USH1C: variants seen among roughly 807,000 people sequenced by gnomAD.
USH1C encodes the protein harmonin.
USH1C carries 90 observed loss-of-function variants against 119.3 expected under a neutral mutation model. The observed-to-expected ratio is 0.75, with a 90% CI of 0.64 to 0.90. The LOEUF is 0.90. Among genes scored for constraint, USH1C ranks in the 40% least tolerant of loss-of-function variants. The pLI is 0.00. For missense variants in USH1C, 1,165 were observed against 1,167.7 expected, an observed-to-expected ratio of 1.00 and a Z score of 0.03; for synonymous variants, 465 against 443.3, an observed-to-expected ratio of 1.05 and a Z score of -0.62.
chr11:17,522,657 T>G (rs900257077), intron 12 of USH1C, 127 bp downstream of exon 12: 9 of 1,415,366 alleles, frequency 6.4e-6, no homozygotes, highest in Non-Finnish European at 8.9e-6. Flanking sequence ...ACTCATCTGG[T>G]CTGAGGACTG....
intron 1 of USH1C, among the ~76,000 whole-genome samples, chr11:17,537,213 A>C (rs1851263894): frequency 6.6e-6 from 1 of 152,232 alleles, no homozygotes; most frequent in South Asian, 2.1e-4. Context: ...ATATTAAAAA[A>C]TTATATAGTT....
In USH1C at chr11:17,544,302, G is replaced by A. The variant is rs753871690; in HGVS notation, c.6C>T (p.Asp2=). M[D]RKVAREFRHK... The stretch of plus-strand genomic sequence containing the variant: ...GCCGGAATTCTCGGGCCACTTTTCG[G>A]TCCATGGCTGGGCCAGGTCCAGCTG... The change falls in exon 1 of 27, where the codon GAC becomes GAT. Residue 2 remains aspartate, a synonymous_variant. Coordinates refer to ENST00000005226, the MANE Select transcript of USH1C (RefSeq NM_153676.4). The A allele has an allele frequency of 1.1e-5, 18 of 1,614,062 alleles. No homozygotes were observed. The South Asian group carries it at 1.6e-4, about 15-fold the overall frequency.
In USH1C at chr11:17,509,415, G is replaced by C. The variant is rs1263032288; in HGVS notation, c.1954C>G (p.His652Asp). Residue 652 changes from histidine to aspartate, a missense_variant, in exon 18 of 27, where the codon CAC (histidine) becomes GAC (aspartate). By Grantham distance (81) the His-to-Asp change is moderately conservative. Transcript: ENST00000005226. ...GGGGAGTTAGTGGGCTTCCCACTGT[G>C]GTTCTTTGCCTCCCAGTCCTCCACT... ...NPVEDWEAKN[H>D]SGKPTNSPVP... is the part of the protein sequence containing the mutation. 2 of 1,605,892 alleles carry C rather than the reference G, an allele frequency of 1.2e-6. No homozygotes were observed. The highest frequency in any genetic ancestry group is 2.2e-5 in the South Asian group (2 of 90,058).
At chr11:17,541,578 C>A (rs569080097) in intron 1 of USH1C, among the ~76,000 whole-genome samples, 1 of 152,218 alleles carries the variant, frequency 6.6e-6, no homozygotes, top group Non-Finnish European at 1.5e-5. Context: ...GCTGGTGCTG[C>A]GAACAGAAGA....
chr11:17,510,419 T>C lies in USH1C; in HGVS notation c.1516A>G (p.Asn506Asp), dbSNP rs868001349. Residue 506 changes from asparagine (N) to aspartate (D), a missense_variant, in exon 17 of 27, where the codon AAT (asparagine) becomes GAT (aspartate). Transcript: ENST00000005226. ...GGCTCTGTTACCTCTGAAATCTCAT[T>C]ATCAGCAGAGGAAATCTGCTCGAGG... The part of the protein sequence containing the change: ...TRLEQISSAD[N>D]EISEMTTGPP... 3.7e-6 allele frequency: 6 copies of C among 1,611,828 alleles called. No homozygotes were observed. In the Middle Eastern group the frequency reaches 6.0e-4, roughly 161 times the overall value.
At chr11:17,506,262 C>G (rs987637051) in intron 18 of USH1C, among the ~76,000 whole-genome samples, 1 of 152,192 alleles carries the variant, frequency 6.6e-6, no homozygotes, top group Non-Finnish European at 1.5e-5. Flanking sequence ...CTCTCAGTGG[C>G]CATGGGTGCT....
chr11:17,524,348 G>T, intron 9 of USH1C, 103 bp downstream of exon 9: 1 of 1,280,520 alleles, frequency 7.8e-7, no homozygotes. Flanking sequence ...AGTGTCCACT[G>T]AAAGAGGGCC....
intron 20 of USH1C, 156 bp from the exon 21 acceptor site, chr11:17,502,136 G>A (rs1044109659): frequency 1.5e-5 from 10 of 666,510 alleles, no homozygotes; most frequent in South Asian, 4.1e-5. Context: ...ACAGGAGGCC[G>A]GCAGCCCTAG....
chr11:17,510,352 G>A, intron 17 of USH1C, 53 bp downstream of exon 17: 1 of 1,456,048 alleles, frequency 6.9e-7, no homozygotes, highest in Non-Finnish European at 9.6e-7. Context: ...TCCCCACAGT[G>A]GGTCATTCTG....
At chr11:17,506,027 A>T in intron 18 of USH1C, 78 bp from the exon 19 acceptor site, 1 of 1,603,242 alleles carries the variant, frequency 6.2e-7, no homozygotes, top group Non-Finnish European at 8.5e-7. Context: ...TTCTACACAC[A>T]TGCAAATCTA....
intron 9 of USH1C, 27 bp downstream of exon 9, chr11:17,524,424 C>T (rs1268979541): frequency 1.9e-6 from 3 of 1,558,080 alleles, no homozygotes; most frequent in East Asian, 2.4e-5. Flanking sequence ...AGTGGGCCCC[C>T]ACTGGGGCCG....
At position 17,526,211 on chromosome 11, in the gene USH1C, A is replaced by AG. The variant is rs1006044736; in HGVS notation, c.674+135dup. The stretch of plus-strand genomic sequence containing the variant: ...GTCAGACCCTGTATCTAACAAAAAA[A>AG]GTATCATCACCCATGGACAGTCACA... On this transcript the variant is annotated intron_variant, in intron 8 of 26. Transcript: ENST00000005226. 6.7e-6 allele frequency: 5 copies of AG among 742,996 alleles called. No homozygotes were observed. In the African/African-American group the frequency reaches 8.6e-5, roughly 13 times the overall value. 46.0% of individuals were successfully genotyped at this position (742,996 alleles called of 1,614,324 possible).
At chr11:17,495,767 T>G in intron 25 of USH1C, 90 bp from the exon 26 acceptor site, 1 of 1,401,084 alleles carries the variant, frequency 7.1e-7, no homozygotes, top group Non-Finnish European at 1.0e-6. Flanking sequence ...ACTGGGCTCC[T>G]GCCTCGGGTT....
At chr11:17,534,568 C>G (rs916658042) in intron 1 of USH1C, among the ~76,000 whole-genome samples, 2 of 152,190 alleles carry the variant, frequency 1.3e-5, no homozygotes, top group African/African-American at 4.8e-5. Flanking sequence ...TTCTCCCTAC[C>G]TCAGTGCAAG....
intron 5 of USH1C, 81 bp from the exon 6 acceptor site, chr11:17,527,121 C>G: frequency 3.3e-6 from 3 of 907,210 alleles, no homozygotes; most frequent in Non-Finnish European, 4.0e-6. Flanking sequence ...GACCTGCTCC[C>G]CCGCCCTCCC....
chr11:17,500,656 G>A (rs975012362), intron 23 of USH1C, among the ~76,000 whole-genome samples: 21 of 152,084 alleles, frequency 1.4e-4, no homozygotes, highest in Admixed American at 1.2e-3. Flanking sequence ...CTCAGGGTTC[G>A]CCCCTCTGAG....
intron 25 of USH1C, 23 bp downstream of exon 25, chr11:17,496,735 G>C (rs1849260751): frequency 1.2e-6 from 2 of 1,614,054 alleles, no homozygotes; most frequent in Non-Finnish European, 1.7e-6. Context: ...GAGGTCTCAG[G>C]CTAGGTGCTT....
chr11:17,527,141 CCG>C (rs1850729270), intron 5 of USH1C, 80 bp downstream of exon 5: 4 of 904,026 alleles, frequency 4.4e-6, no homozygotes, highest in Non-Finnish European at 4.2e-6. Flanking sequence ...CTCCCTCCCA[CCG>C]TCATGGAGTA....
At chr11:17,502,074 T>A in intron 20 of USH1C, 94 bp from the exon 21 acceptor site, 1 of 1,377,850 alleles carries the variant, frequency 7.3e-7, no homozygotes, top group Non-Finnish European at 1.0e-6. Context: ...AATCCAAGGG[T>A]CAGAAGTGAG....
Sources: gnomAD v4.1 joint callset for allele counts (sites outside exome capture counted in the v4.1 genomes callset) on GRCh38, gnomAD v4.1.1 for gene constraint, MANE v1.5 for transcripts, NCBI Gene and HGNC (gene_info 2026-07-23, HGNC 2026-07-21) for gene names.